The following DPP10 variants were observed in gnomAD, a reference collection of about 807,000 sequenced individuals.
DPP10 encodes the protein dipeptidyl peptidase like 10, also known as inactive dipeptidyl peptidase 10.
DPP10 carries 33 observed loss-of-function variants against 120.9 expected under a neutral mutation model. The ratio of observed to expected loss-of-function variants is 0.27; its 90% confidence interval spans 0.21 to 0.37. DPP10 has a LOEUF of 0.37. Ranked by LOEUF, DPP10 falls within the 10% of genes least tolerant of loss-of-function variation. DPP10 has a pLI of 1.00. For missense variants in DPP10, 816 were observed against 942.8 expected, an observed-to-expected ratio of 0.87 and a Z score of 1.76; for synonymous variants, 337 against 326.1, an observed-to-expected ratio of 1.03 and a Z score of -0.36.
chr2:114,860,887 C>T (rs1689759393), intron 1 of DPP10, among the ~76,000 whole-genome samples: 1 of 152,188 alleles, frequency 6.6e-6, no homozygotes, highest in South Asian at 2.1e-4. Context: ...CTGCTCCTCT[C>T]CAGAGGCAAC....
At chr2:115,806,879 T>C (rs1686040834) in intron 19 of DPP10, among the ~76,000 whole-genome samples, 1 of 152,018 alleles carries the variant, frequency 6.6e-6, no homozygotes, top group South Asian at 2.1e-4. Flanking sequence ...ATGTAGAATA[T>C]TTTCCATGAT....
intron 1 of DPP10, among the ~76,000 whole-genome samples, chr2:115,056,605 A>T (rs1337586670): frequency 6.6e-6 from 1 of 151,994 alleles, no homozygotes; most frequent in Non-Finnish European, 1.5e-5. Context: ...GTGATCCTCT[A>T]ATTTAAACCC....
intron 1 of DPP10, among the ~76,000 whole-genome samples, chr2:115,038,403 T>C (rs914267028): frequency 6.6e-6 from 1 of 152,022 alleles, no homozygotes; most frequent in African/African-American, 2.4e-5. Context: ...CCAGAGTAGC[T>C]GGGACTACAG....
rs376747976 is a variant in DPP10, at chr2:115,727,851, T to A, written c.612T>A (p.Pro204=). 6.2e-7 allele frequency: 1 copy of A among 1,601,734 alleles called. No homozygotes were observed. The change falls in exon 8 of 26, where the codon CCT becomes CCA. Residue 204 remains proline (P), a synonymous_variant. Transcript: ENST00000410059. ...TTGAAAATAATATCTACTATCAACCTGATATAAAGAGCAGTTCATTGCGAC... is the reference window on the plus strand; with the variant it reads ...TTGAAAATAATATCTACTATCAACCAGATATAAAGAGCAGTTCATTGCGAC... ...YIFENNIYYQ[P]DIKSSSLRLT...
intron 1 of DPP10, among the ~76,000 whole-genome samples, chr2:115,005,467 G>GA (rs1303181301): frequency 6.6e-5 from 10 of 151,020 alleles, no homozygotes; most frequent in African/African-American, 2.4e-4. Context: ...TGAAAACTTT[G>GA]AAAAAAATTT....
intron 1 of DPP10, among the ~76,000 whole-genome samples, chr2:115,266,492 C>G (rs1292020251): frequency 6.6e-6 from 1 of 152,114 alleles, no homozygotes; most frequent in East Asian, 1.9e-4. Flanking sequence ...TGAAGGATAA[C>G]TAGGTACACT....
At chr2:114,700,968 G>A (rs1700351333) in intron 1 of DPP10, among the ~76,000 whole-genome samples, 1 of 152,060 alleles carries the variant, frequency 6.6e-6, no homozygotes, top group Non-Finnish European at 1.5e-5. Flanking sequence ...TTTCAGCAAA[G>A]TGACAATAGA....
intron 1 of DPP10, among the ~76,000 whole-genome samples, chr2:114,998,473 G>A (rs1411716447): frequency 2.6e-5 from 4 of 152,084 alleles, no homozygotes; most frequent in Non-Finnish European, 5.9e-5. Context: ...TGATCAAAAG[G>A]GAATATTTAT....
intron 1 of DPP10, among the ~76,000 whole-genome samples, chr2:114,931,523 G>A (rs140796710): frequency 6.6e-6 from 1 of 152,258 alleles, no homozygotes; most frequent in African/African-American, 2.4e-5. Context: ...CATTCCTGGG[G>A]TGTCCGCCCC....
chr2:114,650,655 T>C (rs531183039), intron 1 of DPP10, among the ~76,000 whole-genome samples: 23 of 151,466 alleles, frequency 1.5e-4, no homozygotes, highest in African/African-American at 5.6e-4. Flanking sequence ...CCTTAATAGA[T>C]GGGAGAATTC....
intron 1 of DPP10, among the ~76,000 whole-genome samples, chr2:115,275,912 AG>A (rs1168070392): frequency 6.6e-6 from 1 of 151,988 alleles, no homozygotes; most frequent in East Asian, 1.9e-4. Context: ...CGTGTTAGCC[AG>A]GATGGTCTCT....
At chr2:114,719,421 G>A (rs1701562762) in intron 1 of DPP10, among the ~76,000 whole-genome samples, 2 of 152,160 alleles carry the variant, frequency 1.3e-5, no homozygotes, top group South Asian at 2.1e-4. Context: ...TCTGTGGTAA[G>A]TTGCTCTGCC....
intron 1 of DPP10, among the ~76,000 whole-genome samples, chr2:114,532,296 T>TATACACACACACACACAC (rs1342125338): frequency 6.7e-5 from 5 of 74,788 alleles, no homozygotes; most frequent in African/African-American, 3.3e-4. Context: ...TATATATATA[T>TATACACACACACACACAC]ACACACACAC....
intron 5 of DPP10, among the ~76,000 whole-genome samples, chr2:115,640,915 T>A (rs2149348327): frequency 6.6e-6 from 1 of 152,342 alleles, no homozygotes; most frequent in East Asian, 1.9e-4. Context: ...TTATTTTGTT[T>A]TTTTCTGTTA....
At chr2:115,269,479 C>T (rs1046537677) in intron 1 of DPP10, among the ~76,000 whole-genome samples, 3 of 152,234 alleles carry the variant, frequency 2.0e-5, no homozygotes, top group African/African-American at 4.8e-5. Context: ...CAGGGTCTGT[C>T]GTCTTATCTC....
At position 115,798,412 on chromosome 2, in the gene DPP10, A is replaced by G. The variant is rs1684785855; in HGVS notation, c.1700+7056A>G. ...GTATTCTTTCTTGGTAATCCCACAC[A>G]TCTCCACATCAGAGGAATACATCAA... On this transcript the variant is annotated intron_variant, in intron 19 of 25. Coordinates refer to ENST00000410059, the MANE Select transcript of DPP10 (RefSeq NM_020868.6). 2.6e-5 allele frequency among the ~76,000 whole-genome samples: 4 copies of G among 152,106 alleles called. No individual in the cohort carries two copies. In the South Asian group the frequency reaches 8.3e-4, roughly 31 times the overall value.
intron 1 of DPP10, among the ~76,000 whole-genome samples, chr2:114,602,154 T>C (rs542565804): frequency 3.6e-4 from 55 of 151,922 alleles, no homozygotes; most frequent in Admixed American, 9.9e-4. Context: ...TGGCAGTTAA[T>C]ACACATAGAG....
At chr2:114,745,398 GT>G (rs1158305160) in intron 1 of DPP10, among the ~76,000 whole-genome samples, 1 of 152,102 alleles carries the variant, frequency 6.6e-6, no homozygotes, top group Non-Finnish European at 1.5e-5. Context: ...GATAGATTTT[GT>G]TGTATTTCTC....
At chr2:115,041,117 C>CAAAAAAAAA (rs10577275) in intron 1 of DPP10, among the ~76,000 whole-genome samples, 1 of 127,936 alleles carries the variant, frequency 7.8e-6, no homozygotes. Flanking sequence ...TAGCTCAAAA[C>CAAAAAAAAA]AAAAAAAAAA....
Sources: allele counts gnomAD v4.1 joint callset (sites outside exome capture counted in the v4.1 genomes callset), GRCh38; gene constraint gnomAD v4.1.1; transcripts MANE v1.5; gene names NCBI Gene and HGNC (gene_info 2026-07-23, HGNC 2026-07-21).